The following IL19 variants were observed in gnomAD, a reference collection of about 807,000 sequenced individuals.
IL19 encodes the protein interleukin-19.
A neutral mutation model predicts 19.5 loss-of-function variants in IL19; 15 were observed. The ratio of observed to expected loss-of-function variants is 0.77; its 90% CI spans 0.52 to 1.19. The LOEUF is 1.19. IL19 is among the 50% of genes most tolerant of loss of function. IL19 has a pLI of 0.00. For synonymous variants in IL19, 78 were observed against 78.3 expected, an observed-to-expected ratio of 1.00 and a Z score of 0.02; for missense variants, 199 against 213.1, an observed-to-expected ratio of 0.93 and a Z score of 0.41.
chr1:206,784,422 C>G (rs1675216695), intron 1 of IL19, among the ~76,000 whole-genome samples: 1 of 152,210 alleles, frequency 6.6e-6, no homozygotes, highest in Admixed American at 6.5e-5. Context: ...CCCTGTCAGC[C>G]TCTTCTAGCT....
At chr1:206,837,678 G>A (rs1456091296) in intron 4 of IL19, among the ~76,000 whole-genome samples, 2 of 151,984 alleles carry the variant, frequency 1.3e-5, no homozygotes, top group South Asian at 2.1e-4. Context: ...GCATGACCTC[G>A]TCTCTACAAA....
intron 2 of IL19, chr1:206,834,100 T>C (rs1676702760): frequency 1.0e-6 from 1 of 985,480 alleles, no homozygotes; most frequent in Non-Finnish European, 1.2e-6. Flanking sequence ...TTGCAAAAAA[T>C]TCTCATTTGC....
At chr1:206,805,075 A>G (rs1309168287) in intron 2 of IL19, among the ~76,000 whole-genome samples, 1 of 152,108 alleles carries the variant, frequency 6.6e-6, no homozygotes, top group Non-Finnish European at 1.5e-5. Flanking sequence ...TAGAGTACAC[A>G]CCTGTATCGG....
intron 2 of IL19, among the ~76,000 whole-genome samples, chr1:206,814,166 TCTAA>T (rs767362379): frequency 2.8e-4 from 43 of 152,106 alleles, no homozygotes; most frequent in Non-Finnish European, 5.1e-4. Flanking sequence ...CTGATTGAAC[TCTAA>T]CTGATTCAAG....
intron 2 of IL19, among the ~76,000 whole-genome samples, chr1:206,809,006 A>T (rs1675931821): frequency 6.6e-6 from 1 of 152,174 alleles, no homozygotes; most frequent in African/African-American, 2.4e-5. Context: ...ACTCCCCATG[A>T]ACTCAAAAGC....
At chr1:206,784,533 A>C (rs941046445) in intron 1 of IL19, among the ~76,000 whole-genome samples, 1 of 152,124 alleles carries the variant, frequency 6.6e-6, no homozygotes, top group African/African-American at 2.4e-5. Context: ...CCTTCTCGCA[A>C]TCCTGGCCCC....
chr1:206,810,177 G>T (rs1675963072), intron 2 of IL19, among the ~76,000 whole-genome samples: 1 of 152,208 alleles, frequency 6.6e-6, no homozygotes, highest in South Asian at 2.1e-4. Flanking sequence ...GATTCTAAGG[G>T]TGTTAGACCA....
chr1:206,828,307 C>T (rs1431329184), intron 2 of IL19, among the ~76,000 whole-genome samples: 7 of 152,226 alleles, frequency 4.6e-5, no homozygotes, highest in Non-Finnish European at 7.3e-5. Flanking sequence ...GCACCAACAG[C>T]CCCTACCTTT....
chr1:206,780,090 T>C (rs1225142763), intron 1 of IL19, among the ~76,000 whole-genome samples: 1 of 152,212 alleles, frequency 6.6e-6, no homozygotes, highest in Non-Finnish European at 1.5e-5. Flanking sequence ...CAGATGTTCC[T>C]TCCTTAAATG....
At chr1:206,789,169 G>C (rs1016294401) in intron 1 of IL19, among the ~76,000 whole-genome samples, 2 of 152,224 alleles carry the variant, frequency 1.3e-5, no homozygotes, top group Non-Finnish European at 2.9e-5. Flanking sequence ...TGAAGTCCTG[G>C]CATTCCATGA....
intron 2 of IL19, among the ~76,000 whole-genome samples, chr1:206,807,511 C>T (rs1378753263): frequency 6.6e-6 from 1 of 152,194 alleles, no homozygotes; most frequent in African/African-American, 2.4e-5. Flanking sequence ...CTCCCCTCAA[C>T]CCTTTCTTTT....
chr1:206,778,508 G>A (rs1675060841), intron 1 of IL19, among the ~76,000 whole-genome samples: 1 of 152,108 alleles, frequency 6.6e-6, no homozygotes, highest in Non-Finnish European at 1.5e-5. Flanking sequence ...CTGGATGGCT[G>A]GCACCTCCAA....
intron 1 of IL19, among the ~76,000 whole-genome samples, chr1:206,789,522 T>G (rs948177218): frequency 2.6e-5 from 4 of 152,202 alleles, no homozygotes; most frequent in African/African-American, 4.8e-5. Flanking sequence ...TATTTTATAC[T>G]TTTTTATGGC....
In IL19 at chr1:206,819,421, TAAA is replaced by T. The variant is rs931589095; in HGVS notation, c.-2-17237_-2-17235del. On this transcript the variant is annotated intron_variant, in intron 2 of 6. Transcript: ENST00000659997. ...CAATATGGTGAAACCCCATCTCTAC[TAAA>T]AATACAAAAATTAGCCGGGTGTGTT... Among the ~76,000 whole-genome samples, 32 of 151,972 alleles carry T rather than the reference TAAA, an allele frequency of 2.1e-4. No individual in the cohort carries two copies. In the South Asian group the frequency reaches 3.3e-3, roughly 16 times the overall value.
At chr1:206,836,843 G>A (rs372418221) in intron 3 of IL19, 37 bp downstream of exon 3, 7 of 1,610,796 alleles carry the variant, frequency 4.3e-6, no homozygotes, top group Non-Finnish European at 4.2e-6. Context: ...GGATGACGGA[G>A]TATCCCTCCC....
intron 2 of IL19, among the ~76,000 whole-genome samples, chr1:206,835,628 G>T (rs1357808335): frequency 6.6e-6 from 1 of 152,058 alleles, no homozygotes; most frequent in Non-Finnish European, 1.5e-5. Context: ...CTCCTCCACG[G>T]CCACACACGA....
intron 1 of IL19, among the ~76,000 whole-genome samples, chr1:206,772,044 A>G (rs894965184): frequency 4.6e-5 from 7 of 152,212 alleles, no homozygotes; most frequent in African/African-American, 1.7e-4. Flanking sequence ...GAGAGAACGC[A>G]TTTACTTTAT....
At chr1:206,811,586 C>T (rs1676013740) in intron 2 of IL19, among the ~76,000 whole-genome samples, 1 of 151,932 alleles carries the variant, frequency 6.6e-6, no homozygotes, top group Non-Finnish European at 1.5e-5. Context: ...CAGTTAATAT[C>T]TTTCTCCAGC....
intron 1 of IL19, among the ~76,000 whole-genome samples, chr1:206,785,277 G>T (rs1675243146): frequency 1.3e-5 from 2 of 152,146 alleles, no homozygotes; most frequent in African/African-American, 4.8e-5. Flanking sequence ...TAATGCAAAA[G>T]AACACATACA....
Sources: gnomAD v4.1 joint callset for allele counts (sites outside exome capture counted in the v4.1 genomes callset) on GRCh38, gnomAD v4.1.1 for gene constraint, MANE v1.5 for transcripts, NCBI Gene and HGNC (gene_info 2026-07-23, HGNC 2026-07-21) for gene names.